The following SCARA3 variants were observed in gnomAD, a reference collection of about 807,000 sequenced individuals.
The protein encoded by SCARA3 is scavenger receptor class A member 3.
A neutral mutation model predicts 47.0 loss-of-function variants in SCARA3; 39 were observed. That is an observed-to-expected ratio of 0.83 (90% CI 0.64 to 1.08). SCARA3 has a LOEUF of 1.08. Ranked by LOEUF, SCARA3 falls within the 50% of genes least tolerant of loss-of-function variation. The pLI is 0.00. For missense variants in SCARA3, 724 were observed against 792.3 expected (o/e 0.91, Z 1.04); for synonymous variants, 356 against 334.1 (o/e 1.07, Z -0.71).
At chr8:27,666,784 T>C (rs765930915) in intron 5 of SCARA3, among the ~76,000 whole-genome samples, 8 of 152,130 alleles carry the variant, frequency 5.3e-5, no homozygotes, top group Non-Finnish European at 1.0e-4. Context: ...TGGGCAGTGC[T>C]GATGCCCGAG....
the SCARA3 span, among the ~76,000 whole-genome samples, chr8:27,707,245 C>A: frequency 6.6e-6 from 1 of 152,162 alleles, no homozygotes; most frequent in African/African-American, 2.4e-5. Flanking sequence ...CCTCCAGGTA[C>A]TAATTGTTTT....
At chr8:27,715,482 C>T in the SCARA3 span, among the ~76,000 whole-genome samples, 1 of 152,102 alleles carries the variant, frequency 6.6e-6, no homozygotes, top group Non-Finnish European at 1.5e-5. This position sits in a 1 kb window ranked among gnomAD's most constrained non-coding sequence, Gnocchi z 4.2. Context: ...ACCCATGGTC[C>T]AGCACTCCGC....
At chr8:27,644,197 A>C (rs1382029940) in intron 1 of SCARA3, among the ~76,000 whole-genome samples, 2 of 152,160 alleles carry the variant, frequency 1.3e-5, no homozygotes, top group Admixed American at 1.3e-4. Context: ...CCACTATTTT[A>C]TGGGTCTGGG....
At chr8:27,665,473 A>G (rs1235677975) in intron 5 of SCARA3, among the ~76,000 whole-genome samples, 1 of 152,208 alleles carries the variant, frequency 6.6e-6, no homozygotes, top group African/African-American at 2.4e-5. Context: ...TCATTTGGGA[A>G]TTGTAGACTA....
At chr8:27,724,466 A>G in the SCARA3 span, among the ~76,000 whole-genome samples, 1 of 152,106 alleles carries the variant, frequency 6.6e-6, no homozygotes, top group Non-Finnish European at 1.5e-5. Context: ...GTTCGAGATC[A>G]GCCTGGCCAA....
the SCARA3 span, among the ~76,000 whole-genome samples, chr8:27,710,717 C>T: frequency 1.3e-5 from 2 of 152,218 alleles, no homozygotes; most frequent in Middle Eastern, 3.4e-3. Flanking sequence ...TTGTAGGTTT[C>T]CACTCCCTCT....
At chr8:27,708,834 T>A in the SCARA3 span, among the ~76,000 whole-genome samples, 115 of 152,230 alleles carry the variant, frequency 7.6e-4, 1 homozygote, top group African/African-American at 2.7e-3. Context: ...TTATACAACT[T>A]TTTTAGTTAA....
chr8:27,671,653 T>G lies in SCARA3; in HGVS notation c.*302T>G, dbSNP rs1802164433. The G allele has an allele frequency of 9.1e-7, 1 of 1,100,128 alleles. No individual in the cohort carries two copies. The highest frequency in any genetic ancestry group is 1.1e-6 in the Non-Finnish European group (1 of 899,644). The allele number at this position is 1,100,128 out of a possible 1,614,324, so 68.1% of individuals were successfully genotyped here. On this transcript the variant is annotated 3_prime_UTR_variant, in exon 6 of 6. Coordinates refer to ENST00000301904, the MANE Select transcript of SCARA3 (RefSeq NM_016240.3). ...AGGCATACATGCATGCACACACACA[T>G]GCACGCACACACACATGCACACATA... is the stretch of plus-strand genomic sequence containing the variant.
rs550415334 is a variant in SCARA3 at position 27,659,691 on chromosome 8, T to C, written c.1369+152T>C. Reference sequence around the variant, plus strand: ...TACAGCAGTCGGCAGCTTTAAGAAATGTCCTTGCATTAGCCAGGCATGGTG... The same window carrying C: ...TACAGCAGTCGGCAGCTTTAAGAAACGTCCTTGCATTAGCCAGGCATGGTG... On this transcript the variant is annotated intron_variant, in intron 5 of 5. Transcript: ENST00000301904. 2.4e-5 allele frequency: 16 copies of C among 663,914 alleles called. No individual in the cohort carries two copies. In the South Asian group the frequency reaches 3.1e-4, roughly 13 times the overall value. 41.1% of individuals were successfully genotyped at this position (663,914 alleles called of 1,614,324 possible). A position where few individuals can be genotyped will look rare whatever the true frequency, so the allele number is the denominator to read the frequency against.
intron 1 of SCARA3, among the ~76,000 whole-genome samples, chr8:27,637,511 C>T (rs564310572): frequency 1.5e-3 from 233 of 152,332 alleles, no homozygotes; most frequent in African/African-American, 5.4e-3. Flanking sequence ...CTGCCCTCTT[C>T]GGCCCCGTTG....
intron 1 of SCARA3, among the ~76,000 whole-genome samples, chr8:27,638,174 G>A (rs1436325087): frequency 6.6e-6 from 1 of 152,188 alleles, no homozygotes; most frequent in East Asian, 1.9e-4. Flanking sequence ...TTCTCAGTAG[G>A]CTAGGTTGAT....
chr8:27,703,560 C>T, the SCARA3 span: 3 of 152,208 alleles, frequency 2.0e-5, no homozygotes, highest in East Asian at 5.8e-4. Flanking sequence ...GGTTATCAAA[C>T]GCACAGCCAT....
the SCARA3 span, chr8:27,733,218 C>G: frequency 4.6e-5 from 7 of 152,226 alleles, no homozygotes; most frequent in African/African-American, 1.7e-4. Flanking sequence ...CCAAGTACCT[C>G]CGTCTCCCCA....
At chr8:27,659,870 A>T (rs1319436529) in intron 5 of SCARA3, among the ~76,000 whole-genome samples, 1 of 127,934 alleles carries the variant, frequency 7.8e-6, no homozygotes, top group Non-Finnish European at 1.8e-5. Flanking sequence ...AAAAAAAAAA[A>T]AAAAAAAGAG....
the SCARA3 span, among the ~76,000 whole-genome samples, chr8:27,696,008 AT>A: frequency 9.9e-5 from 15 of 151,646 alleles, no homozygotes; most frequent in Admixed American, 4.6e-4. Context: ...AGGAATAAAG[AT>A]TTTTTTTATT....
rs1374555523 is a variant in SCARA3 at position 27,633,998 on chromosome 8, G to A, written c.-203G>A. On this transcript the variant is annotated 5_prime_UTR_variant, in exon 1 of 6. Transcript: ENST00000301904. ...CTAGGCGCCCGGCGGGGCTTCCCCA[G>A]GCTGCGACCCCGCGGGACCCTCCAC... is the stretch of plus-strand genomic sequence containing the variant. The A allele has an allele frequency of 1.0e-5, 3 of 297,624 alleles. No homozygotes were observed. Among genetic ancestry groups the A allele is most frequent in the African/African-American group, 6.7e-5 (3 of 44,896 alleles). 18.4% of individuals were successfully genotyped at this position (297,624 alleles called of 1,614,324 possible).
At chr8:27,655,775 G>A (rs973310283) in intron 3 of SCARA3, among the ~76,000 whole-genome samples, 5 of 152,138 alleles carry the variant, frequency 3.3e-5, no homozygotes, top group African/African-American at 1.2e-4. Flanking sequence ...TTACATAATT[G>A]CTGTATTATT....
downstream of SCARA3, chr8:27,673,122 A>C (rs34726509): frequency 0.019 from 9,064 of 469,708 alleles, 805 homozygotes; most frequent in African/African-American, 0.18. Context: ...AGGGTCCCCC[A>C]AAAATTCAAT....
chr8:27,709,192 C>A, the SCARA3 span, among the ~76,000 whole-genome samples: 1 of 152,208 alleles, frequency 6.6e-6, no homozygotes, highest in African/African-American at 2.4e-5. Context: ...TCTCCAGAAG[C>A]CCAAGTTAAA....
Sources: gnomAD v4.1 joint callset for allele counts (sites outside exome capture counted in the v4.1 genomes callset) on GRCh38, gnomAD v4.1.1 for gene constraint, Gnocchi (gnomAD v3.1) non-coding constraint, MANE v1.5 for transcripts, NCBI Gene and HGNC (gene_info 2026-07-23, HGNC 2026-07-21) for gene names.